ASXL3: variants seen among roughly 807,000 people sequenced by gnomAD.
ASXL3 encodes ASXL transcriptional regulator 3, also known as putative Polycomb group protein ASXL3.
In ASXL3, 34 loss-of-function variants were observed where a neutral mutation model predicts 170.6. The observed-to-expected ratio is 0.20, with a 90% confidence interval of 0.15 to 0.27. The LOEUF is 0.27. Ranked by LOEUF, ASXL3 falls within the 10% of genes least tolerant of loss-of-function variation. The pLI, the probability that ASXL3 is intolerant of heterozygous loss-of-function variation, is 1.00. For synonymous variants in ASXL3, 1,002 were observed against 989.1 expected, an observed-to-expected ratio of 1.01 and a Z score of -0.24; for missense variants, 2,592 against 2,695.3, an observed-to-expected ratio of 0.96 and a Z score of 0.85.
At chr18:33,594,177 T>A (rs2065104182) in intron 1 of ASXL3, among the ~76,000 whole-genome samples, 1 of 152,190 alleles carries the variant, frequency 6.6e-6, no homozygotes, top group South Asian at 2.1e-4. Flanking sequence ...TCTGGCCTAA[T>A]TTATCTTTAG....
chr18:33,738,305 G>C (rs2067582671), intron 10 of ASXL3, among the ~76,000 whole-genome samples, 182 bp from the exon 11 acceptor site: 1 of 152,132 alleles, frequency 6.6e-6, no homozygotes, highest in Admixed American at 6.6e-5. Flanking sequence ...TATTAGTTGA[G>C]ATTATAAAAG....
intron 2 of ASXL3, among the ~76,000 whole-genome samples, chr18:33,612,092 C>T (rs1255184013): frequency 6.6e-6 from 1 of 151,924 alleles, no homozygotes; most frequent in Non-Finnish European, 1.5e-5. Flanking sequence ...AGATACCTGT[C>T]ATTAATGTAG....
intron 8 of ASXL3, among the ~76,000 whole-genome samples, chr18:33,701,268 A>G (rs993432865): frequency 6.6e-6 from 1 of 151,866 alleles, no homozygotes; most frequent in Admixed American, 6.6e-5. Context: ...GGTTTTGTCT[A>G]TTCTGGGTCC....
chr18:33,614,928 A>G (rs1004430248), intron 2 of ASXL3: 3 of 152,000 alleles, frequency 2.0e-5, no homozygotes, highest in Admixed American at 6.6e-5. Context: ...TTCCATTTAT[A>G]GAGTACAGGT....
chr18:33,703,235 T>G (rs911388704), intron 8 of ASXL3, among the ~76,000 whole-genome samples: 1 of 152,178 alleles, frequency 6.6e-6, no homozygotes, highest in Non-Finnish European at 1.5e-5. Context: ...ACCTGTACTC[T>G]ATATTAAATA....
At chr18:33,604,694 G>A (rs1334853019) in intron 1 of ASXL3, among the ~76,000 whole-genome samples, 2 of 151,920 alleles carry the variant, frequency 1.3e-5, no homozygotes, top group African/African-American at 2.4e-5. Context: ...GTAAGTGTGG[G>A]GGTCCAAGCT....
chr18:33,670,724 A>C lies in ASXL3; in HGVS notation c.529A>C (p.Lys177Gln). 6.4e-7 allele frequency: 1 copy of C among 1,572,310 alleles called. No homozygotes were observed. Among genetic ancestry groups the C allele is most frequent in the South Asian group, 1.2e-5 (1 of 85,194 alleles). ...RRNGVSMMVN[K>Q]TVPRVVLTPL... ...AAATGGAGTCTCAATGATGGTAAAC[A>C]AGACTGTTCCTCGTGTTGTTTTGAC... The change falls in exon 6 of 12, where the codon AAG becomes CAG. Residue 177 changes from lysine to glutamine, a missense_variant. Transcript: ENST00000269197.
chr18:33,748,600 A>G lies in ASXL3; in HGVS notation c.*2005A>G, dbSNP rs117291995. On this transcript the variant is annotated 3_prime_UTR_variant, in exon 12 of 12. Coordinates refer to ENST00000269197, the MANE Select transcript of ASXL3 (RefSeq NM_030632.3). Reference sequence around the variant, plus strand: ...CCAGTGGATCCTTAGTTTTCTCTTCACTGCCTGCCAGGTTGTGTTGGGGTG... The same window carrying G: ...CCAGTGGATCCTTAGTTTTCTCTTCGCTGCCTGCCAGGTTGTGTTGGGGTG... The G allele has an allele frequency of 0.018, 2,727 of 152,302 alleles. 36 individuals carry two copies. Among genetic ancestry groups the G allele is most frequent in the Middle Eastern group, 0.041 (12 of 294 alleles). The allele number at this position is 152,302 out of a possible 1,614,324, so 9.4% of individuals were successfully genotyped here.
chr18:33,742,547 A>G (rs1402646203), intron 11 of ASXL3, among the ~76,000 whole-genome samples: 2 of 152,188 alleles, frequency 1.3e-5, no homozygotes, highest in Non-Finnish European at 1.5e-5. Flanking sequence ...TCAAAATTAA[A>G]TATCTTGAAG....
At chr18:33,679,098 TCA>T (rs1290299531) in intron 7 of ASXL3, among the ~76,000 whole-genome samples, 2 of 152,194 alleles carry the variant, frequency 1.3e-5, no homozygotes, top group African/African-American at 2.4e-5. Context: ...TACATTTTTC[TCA>T]GTTTTCTAAC....
chr18:33,662,232 A>G (rs1161327407), intron 5 of ASXL3, among the ~76,000 whole-genome samples: 1 of 152,172 alleles, frequency 6.6e-6, no homozygotes, highest in Non-Finnish European at 1.5e-5. Flanking sequence ...TAAAGTTGCC[A>G]TATTATTCTG....
intron 8 of ASXL3, among the ~76,000 whole-genome samples, chr18:33,697,558 C>T (rs2145317732): frequency 6.6e-6 from 1 of 152,192 alleles, no homozygotes; most frequent in East Asian, 1.9e-4. Flanking sequence ...ATAGTGAAGT[C>T]TTCCCCACGA....
Position 33,742,975 on chromosome 18 carries a change from G to C in ASXL3, c.3127G>C (p.Val1043Leu). 1 of 1,613,858 alleles carries C rather than the reference G, an allele frequency of 6.2e-7. No individual in the cohort carries two copies. Reference sequence around the variant, plus strand: ...GTCTCGAGCATCCACTAGCACATCTGTCAGTGGCGGGAGGAACACAGGAGC... The same window carrying C: ...GTCTCGAGCATCCACTAGCACATCTCTCAGTGGCGGGAGGAACACAGGAGC... ...PESRASTSTS[V>L]SGGRNTGART... The change falls in exon 12 of 12, where the codon GTC (valine) becomes CTC (leucine). Residue 1043 changes from valine to leucine, a missense_variant. Transcript: ENST00000269197.
intron 5 of ASXL3, among the ~76,000 whole-genome samples, chr18:33,662,503 A>G (rs891272778): frequency 6.6e-6 from 1 of 152,224 alleles, no homozygotes; most frequent in African/African-American, 2.4e-5. Context: ...TGAGTGGCTC[A>G]TAGAAATAAT....
At chr18:33,642,340 T>G (rs2145194539) in intron 2 of ASXL3, among the ~76,000 whole-genome samples, 1 of 152,048 alleles carries the variant, frequency 6.6e-6, no homozygotes, top group East Asian at 1.9e-4. Flanking sequence ...GATGAATCAG[T>G]TACCTTTTAA....
At position 33,744,343 on chromosome 18, in the gene ASXL3, G is replaced by A; in HGVS notation, c.4495G>A (p.Asp1499Asn). ...VSVESSEASLDLQGRPVRTEA... is the reference protein window; with the variant it reads ...VSVESSEASLNLQGRPVRTEA... ...CGTTGAAAGCTCAGAAGCCAGCTTG[G>A]ACCTGCAGGGCAGACCAGTGAGGAC... Residue 1499 changes from aspartate (D) to asparagine (N), a missense_variant, in exon 12 of 12, where the codon GAC (aspartate) becomes AAC (asparagine). By Grantham distance (23) the Asp-to-Asn change is conservative. Coordinates refer to ENST00000269197, the MANE Select transcript of ASXL3 (RefSeq NM_030632.3). 1.2e-6 allele frequency: 2 copies of A among 1,613,964 alleles called. No individual in the cohort carries two copies. Among genetic ancestry groups the A allele is most frequent in the Non-Finnish European group, 1.7e-6 (2 of 1,179,878 alleles).
intron 1 of ASXL3, among the ~76,000 whole-genome samples, chr18:33,581,098 G>A (rs893764370): frequency 5.9e-5 from 9 of 151,854 alleles, no homozygotes; most frequent in East Asian, 3.9e-4. Context: ...TTATGATTAC[G>A]TGAATACATA....
At position 33,744,179 on chromosome 18, in the gene ASXL3, G is replaced by A. The variant is rs548755448; in HGVS notation, c.4331G>A (p.Arg1444Gln). The A allele has an allele frequency of 2.2e-5, 36 of 1,613,924 alleles. No individual in the cohort carries two copies. The highest frequency in any genetic ancestry group is 1.3e-4 in the African/African-American group (10 of 75,046). ...AGCTTGGACAAAAATTCAGGGCCTCGAAACAGGGCAGATAATTCTGGAAAA... is the reference window on the plus strand; with the variant it reads ...AGCTTGGACAAAAATTCAGGGCCTCAAAACAGGGCAGATAATTCTGGAAAA... Reference protein sequence around the residue: ...AESLDKNSGPRNRADNSGKPQ... With the variant: ...AESLDKNSGPQNRADNSGKPQ... Residue 1444 changes from arginine to glutamine, a missense_variant, in exon 12 of 12, where the codon CGA (arginine) becomes CAA (glutamine). Physicochemically the swap from Arg to Gln is conservative, Grantham distance 43. This residue lies in a region of ASXL3 where 2,246 missense variants were observed against 2,219.6 expected (regional missense o/e 1.01). Transcript: ENST00000269197.
At chr18:33,587,805 A>G (rs1205345201) in intron 1 of ASXL3, among the ~76,000 whole-genome samples, 1 of 152,104 alleles carries the variant, frequency 6.6e-6, no homozygotes. Flanking sequence ...GGAAAAAACA[A>G]AAAGATCTCA....
Sources: allele counts gnomAD v4.1 joint callset (sites outside exome capture counted in the v4.1 genomes callset), GRCh38; gene constraint gnomAD v4.1.1; regional missense constraint gnomAD v4.1.1; transcripts MANE v1.5; gene names NCBI Gene and HGNC (gene_info 2026-07-23, HGNC 2026-07-21).